Variants in CMSS1 observed in about 807,000 individuals in gnomAD.
CMSS1 encodes protein CMSS1.
A neutral mutation model predicts 43.5 loss-of-function variants in CMSS1; 33 were observed. The observed-to-expected ratio is 0.76, with a 90% CI of 0.57 to 1.01. The LOEUF (loss-of-function observed/expected upper bound fraction) is 1.01, where lower values mean the gene tolerates loss of function less well. CMSS1 is among the 50% of genes least tolerant of loss of function. The pLI, the probability that CMSS1 is intolerant of heterozygous loss-of-function variation, is 0.00. For missense variants in CMSS1, 313 were observed against 326.4 expected (o/e 0.96, Z 0.32); for synonymous variants, 115 against 117.2 (o/e 0.98, Z 0.12).
Position 100,171,838 on chromosome 3 carries a change from G to A in CMSS1, c.519-1G>A. The A allele has an allele frequency of 2.5e-6, 4 of 1,613,710 alleles. No individual in the cohort carries two copies. The highest frequency in any genetic ancestry group is 3.4e-6 in the Non-Finnish European group (4 of 1,179,742). ...AGCATTCACCTGCTTCTTTTCATTA[G>A]GTCGATGACAGCATTCAGAGGAGAC... On this transcript the variant is annotated splice_acceptor_variant, in intron 6 of 9. Transcript: ENST00000421999. LOFTEE classifies it high-confidence loss of function.
At chr3:99,972,604 C>A (rs1235560289) in intron 1 of CMSS1, among the ~76,000 whole-genome samples, 1 of 152,184 alleles carries the variant, frequency 6.6e-6, no homozygotes, top group Admixed American at 6.5e-5. Context: ...TTCATGTTTC[C>A]ATGGGCTGTC....
At chr3:99,849,958 G>A (rs774617850) in intron 1 of CMSS1, 15 of 1,612,314 alleles carry the variant, frequency 9.3e-6, no homozygotes, top group Admixed American at 6.7e-5. Context: ...CTCTTCTTCC[G>A]CTTTCAATTT....
At chr3:99,957,810 A>C (rs1415279458) in intron 1 of CMSS1, among the ~76,000 whole-genome samples, 1 of 148,428 alleles carries the variant, frequency 6.7e-6, no homozygotes, top group East Asian at 2.0e-4. Flanking sequence ...TTTTTCACAC[A>C]TAGCTTGTTT....
At chr3:100,060,335 T>C (rs891265686) in intron 1 of CMSS1, among the ~76,000 whole-genome samples, 2 of 152,096 alleles carry the variant, frequency 1.3e-5, no homozygotes, top group African/African-American at 4.8e-5. Flanking sequence ...CCACTCCACC[T>C]CCTCTTCCAT....
At chr3:99,879,352 G>A (rs1364894721) in intron 1 of CMSS1, among the ~76,000 whole-genome samples, 1 of 152,182 alleles carries the variant, frequency 6.6e-6, no homozygotes, top group Non-Finnish European at 1.5e-5. Flanking sequence ...ATTGTCAGGA[G>A]GCCATGACAA....
intron 1 of CMSS1, among the ~76,000 whole-genome samples, chr3:100,117,745 A>T (rs1220165106): frequency 6.7e-6 from 1 of 148,798 alleles, no homozygotes; most frequent in African/African-American, 2.5e-5. Flanking sequence ...GGTAAAACAG[A>T]TACACTTTTT....
At chr3:99,851,766 G>C (rs1943709457) in intron 1 of CMSS1, among the ~76,000 whole-genome samples, 1 of 152,208 alleles carries the variant, frequency 6.6e-6, no homozygotes, top group South Asian at 2.1e-4. Flanking sequence ...GCACTTCACT[G>C]ATAGACCTCT....
chr3:99,822,734 AAAT>A (rs569435966), intron 1 of CMSS1, among the ~76,000 whole-genome samples: 16 of 152,252 alleles, frequency 1.1e-4, no homozygotes, highest in African/African-American at 3.6e-4. Context: ...CTCCATCTCA[AAAT>A]AATAATGATA....
intron 2 of CMSS1, 113 bp from the exon 3 acceptor site, chr3:100,160,317 A>C (rs2067012616): frequency 1.5e-6 from 1 of 645,422 alleles, no homozygotes; most frequent in Non-Finnish European, 2.8e-6. Context: ...GTAGAATATT[A>C]CCAAGATACT....
At chr3:99,954,741 G>A (rs544223226) in intron 1 of CMSS1, among the ~76,000 whole-genome samples, 1 of 151,908 alleles carries the variant, frequency 6.6e-6, no homozygotes, top group Non-Finnish European at 1.5e-5. Flanking sequence ...CAGGAGAATC[G>A]CTTGAACCCG....
intron 1 of CMSS1, among the ~76,000 whole-genome samples, chr3:99,922,549 A>C (rs980316888): frequency 6.6e-6 from 1 of 152,232 alleles, no homozygotes; most frequent in African/African-American, 2.4e-5. Context: ...TATATGGAAA[A>C]TAAATGAAAG....
chr3:100,008,881 G>A (rs1048834703), intron 1 of CMSS1, among the ~76,000 whole-genome samples: 7 of 152,106 alleles, frequency 4.6e-5, no homozygotes, highest in African/African-American at 1.4e-4. Context: ...GCATGGGTGG[G>A]ATTAATTAAT....
chr3:99,848,937 G>C lies in CMSS1; in HGVS notation c.64+30894G>C. The C allele has an allele frequency of 6.2e-7, 1 of 1,614,198 alleles. No homozygotes were observed. The highest frequency in any genetic ancestry group is 8.5e-7 in the Non-Finnish European group (1 of 1,180,028). ...GACTTGTGATTTCAAGAGTGGCTGT[G>C]TTTTGTACATGGTCTGGAGTAACCT... On this transcript the variant is annotated intron_variant, in intron 1 of 9. Coordinates refer to ENST00000421999, the MANE Select transcript of CMSS1 (RefSeq NM_032359.4).
At chr3:99,947,728 T>C (rs1357817690) in intron 1 of CMSS1, among the ~76,000 whole-genome samples, 2 of 152,232 alleles carry the variant, frequency 1.3e-5, no homozygotes, top group African/African-American at 4.8e-5. Context: ...TGAATACTTT[T>C]AATAAGGTAA....
chr3:99,945,082 A>G (rs1707968261), intron 1 of CMSS1, among the ~76,000 whole-genome samples: 1 of 152,122 alleles, frequency 6.6e-6, no homozygotes, highest in African/African-American at 2.4e-5. Flanking sequence ...GCATCAAGGA[A>G]AATACACAGA....
intron 1 of CMSS1, among the ~76,000 whole-genome samples, chr3:100,109,691 T>C (rs2066455713): frequency 6.6e-6 from 1 of 152,218 alleles, no homozygotes; most frequent in South Asian, 2.1e-4. Context: ...AGTATTGATA[T>C]ACTATAGTTT....
intron 1 of CMSS1, among the ~76,000 whole-genome samples, chr3:99,990,929 C>T (rs1027986753): frequency 2.0e-5 from 3 of 152,258 alleles, no homozygotes; most frequent in African/African-American, 7.2e-5. Context: ...CTGCCCCTTC[C>T]CTCAAGTAGC....
At chr3:99,885,550 T>C (rs1334832809) in intron 1 of CMSS1, among the ~76,000 whole-genome samples, 2 of 152,256 alleles carry the variant, frequency 1.3e-5, no homozygotes, top group Non-Finnish European at 2.9e-5. Context: ...CTTACTTTGA[T>C]ACTTCTTCAT....
At chr3:99,876,279 G>A in intron 1 of CMSS1, 2 of 925,264 alleles carry the variant, frequency 2.2e-6, no homozygotes, top group Non-Finnish European at 2.6e-6. Flanking sequence ...GGTGACCGCG[G>A]GACCCTCGGC....
Sources: allele counts gnomAD v4.1 joint callset (sites outside exome capture counted in the v4.1 genomes callset), GRCh38; gene constraint gnomAD v4.1.1; transcripts MANE v1.5; gene names NCBI Gene and HGNC (gene_info 2026-07-23, HGNC 2026-07-21).